The following SLC4A11 variants were observed in gnomAD, a reference collection of about 807,000 sequenced individuals.
The protein encoded by SLC4A11 is solute carrier family 4 member 11.
In SLC4A11, 74 loss-of-function variants were observed where a neutral mutation model predicts 95.0. The observed-to-expected ratio is 0.78, with a 90% CI of 0.65 to 0.95. The LOEUF is 0.95. Ranked by LOEUF, SLC4A11 falls within the 40% of genes least tolerant of loss-of-function variation. The pLI is 0.00. For synonymous variants in SLC4A11, 548 were observed against 519.0 expected (o/e 1.06, Z -0.76); for missense variants, 1,081 against 1,192.4 (o/e 0.91, Z 1.38).
chr20:3,238,230 G>C, intron 1 of SLC4A11: 1 of 1,371,714 alleles, frequency 7.3e-7, no homozygotes, highest in Non-Finnish European at 9.4e-7. Flanking sequence ...GGGACACATG[G>C]GTCGGGGGAG....
chr20:3,239,240 A>C, upstream of SLC4A11: 1 of 1,294,964 alleles, frequency 7.7e-7, no homozygotes, highest in East Asian at 3.3e-5. Flanking sequence ...AGCCGGCGAC[A>C]CACCCCCACG....
At chr20:3,238,236 G>C in intron 1 of SLC4A11, 3 of 1,366,302 alleles carry the variant, frequency 2.2e-6, no homozygotes, top group South Asian at 2.0e-5. Flanking sequence ...CATGGGTCGG[G>C]GGAGGCTGCG....
rs2067768821 is a variant in SLC4A11 at position 3,231,326 on chromosome 20, G to A, written c.948+4C>T. On this transcript the variant is annotated splice_donor_region_variant and intron_variant, in intron 8 of 19. Transcript: ENST00000642402. This position sits in a 1 kb window ranked among gnomAD's most constrained non-coding sequence, Gnocchi z 5.2. Reference sequence around the variant, plus strand: ...GCCGGCCCCCGCCGGCCTCTACCCTGTACCTCTGGGTGTCTGTGGGCAGGG... The same window carrying A: ...GCCGGCCCCCGCCGGCCTCTACCCTATACCTCTGGGTGTCTGTGGGCAGGG... 1 of 1,613,716 alleles carries A rather than the reference G, an allele frequency of 6.2e-7. No homozygotes were observed. Among genetic ancestry groups the A allele is most frequent in the African/African-American group, 1.3e-5 (1 of 74,912 alleles).
chr20:3,239,018 C>G, intron 1 of SLC4A11, 77 bp downstream of exon 1: 1 of 1,440,364 alleles, frequency 6.9e-7, no homozygotes, highest in South Asian at 1.3e-5. Flanking sequence ...TCCGCGTTCT[C>G]CCCGGGGTCC....
At chr20:3,239,515 G>A (rs2068088612), upstream of SLC4A11, 2 of 995,564 alleles carry the variant, frequency 2.0e-6, no homozygotes, top group Non-Finnish European at 1.2e-6. Flanking sequence ...GAAAACGTTC[G>A]ACTGCGCCAC....
In SLC4A11 at chr20:3,234,502, C is replaced by CAGGGA; in HGVS notation, c.291+61_291+65dup. ...AAGAGGGGAGCAGCGGGAGGATTCT[C>CAGGGA]AGGGAAGCCATCACCTCAGCCCCCA... On this transcript the variant is annotated intron_variant, in intron 4 of 19. Coordinates refer to ENST00000642402, the MANE Select transcript of SLC4A11 (RefSeq NM_001174089.2). The surrounding 1 kb of genome is among the most constrained non-coding windows in gnomAD (Gnocchi z 5.8). 1 of 1,604,942 alleles carries CAGGGA rather than the reference C, an allele frequency of 6.2e-7. No homozygotes were observed. The highest frequency in any genetic ancestry group is 8.5e-7 in the Non-Finnish European group (1 of 1,172,952).
At chr20:3,238,354 C>T (rs2068054958) in intron 1 of SLC4A11, 2 of 985,156 alleles carry the variant, frequency 2.0e-6, no homozygotes, top group South Asian at 9.4e-5. Flanking sequence ...CCTCCAGACT[C>T]GGAGACCCCG....
At chr20:3,237,433 G>C in intron 2 of SLC4A11, 111 bp downstream of exon 2, 2 of 1,110,606 alleles carry the variant, frequency 1.8e-6, no homozygotes, top group Non-Finnish European at 2.8e-6. Flanking sequence ...CACTAGAGTG[G>C]CCCAGATAGG....
At chr20:3,233,461 G>T in intron 7 of SLC4A11, 53 bp downstream of exon 7, 1 of 1,609,374 alleles carries the variant, frequency 6.2e-7, no homozygotes, top group African/African-American at 1.3e-5. Context: ...CAAGCAGAGG[G>T]CGGGTAACCC....
In SLC4A11 at chr20:3,228,865, C is replaced by A. The variant is rs150848295; in HGVS notation, c.2165G>T (p.Arg722Leu). 2.5e-6 allele frequency: 4 copies of A among 1,613,910 alleles called. No individual in the cohort carries two copies. Among genetic ancestry groups the A allele is most frequent in the African/African-American group, 2.7e-5 (2 of 75,062 alleles). Residue 722 changes from arginine to leucine, a missense_variant, in exon 17 of 20, where the codon CGT becomes CTT. Arg to Leu is a moderately radical substitution (Grantham distance 102). This residue lies in a region of SLC4A11 where 767 missense variants were observed against 858.0 expected (regional missense o/e 0.89). Coordinates refer to ENST00000642402, the MANE Select transcript of SLC4A11 (RefSeq NM_001174089.2). ...HVRALALVEE[R>L]VENGHIYDTI... is the part of the protein sequence containing the mutation. ...GTCATAGATGTGTCCGTTCTCCACA[C>A]GCTCCTCCACTAAGGCCAGGGCTCG...
intron 12 of SLC4A11, 52 bp from the exon 13 acceptor site, chr20:3,230,312 G>C (rs750554204): frequency 1.0e-4 from 166 of 1,598,668 alleles, no homozygotes; most frequent in Non-Finnish European, 1.3e-4. Flanking sequence ...GGGGGCAGGT[G>C]GGGGAGGCCT....
chr20:3,238,102 G>A (rs756510983), intron 1 of SLC4A11: 110 of 1,460,834 alleles, frequency 7.5e-5, no homozygotes, highest in African/African-American at 7.1e-5. Flanking sequence ...CACGCGCCCC[G>A]GGTCACACGG....
chr20:3,230,527 C>G lies in SLC4A11; in HGVS notation c.1403G>C (p.Ser468Thr). ...AAGGGCCAGTCACCTCTTGAAGAGA[C>G]TCATGACCAGGCTGAGGTTGAAAAA... is the stretch of plus-strand genomic sequence containing the variant. ...YAFFNLSLVM[S>T]LFKRSTEEII... The change falls in exon 12 of 20, where the codon AGT becomes ACT. Residue 468 changes from serine to threonine, a missense_variant. Ser to Thr is a moderately conservative substitution (Grantham distance 58). Coordinates refer to ENST00000642402, the MANE Select transcript of SLC4A11 (RefSeq NM_001174089.2). 1 of 1,613,908 alleles carries G rather than the reference C, an allele frequency of 6.2e-7. No homozygotes were observed. The highest frequency in any genetic ancestry group is 8.5e-7 in the Non-Finnish European group (1 of 1,180,034).
intron 1 of SLC4A11, chr20:3,238,432 G>C: frequency 9.6e-7 from 1 of 1,039,610 alleles, no homozygotes; most frequent in Non-Finnish European, 1.2e-6. Context: ...GAAGTGGGGG[G>C]CGGGGGCGCT....
At chr20:3,237,493 T>C (rs780391611) in intron 2 of SLC4A11, 51 bp downstream of exon 2, 1 of 1,593,626 alleles carries the variant, frequency 6.3e-7, no homozygotes, top group Non-Finnish European at 8.6e-7. Context: ...CCTGGAGGCT[T>C]TTGCCCGACA....
chr20:3,230,238 G>A lies in SLC4A11; in HGVS notation c.1438C>T (p.Leu480Phe). 1.2e-6 allele frequency: 2 copies of A among 1,613,602 alleles called. No homozygotes were observed. The highest frequency in any genetic ancestry group is 1.7e-6 in the Non-Finnish European group (2 of 1,180,024). ...AGCACAAACGTGATGGAAATGAAGA[G>A]GGCGATGATCTCCTCCGTCGACCTG... The part of the protein sequence containing the change: ...FKRSTEEIIA[L>F]FISITFVLDA... Residue 480 changes from leucine (L) to phenylalanine (F), a missense_variant, in exon 13 of 20, where the codon CTC (leucine) becomes TTC (phenylalanine). This residue lies in a region of SLC4A11 where 767 missense variants were observed against 858.0 expected (regional missense o/e 0.89). Coordinates refer to ENST00000642402, the MANE Select transcript of SLC4A11 (RefSeq NM_001174089.2).
rs780629889 is a variant in SLC4A11 at position 3,231,238 on chromosome 20, G to T, written c.953C>A (p.Pro318Gln). 3 of 1,613,922 alleles carry T rather than the reference G, an allele frequency of 1.9e-6. No individual in the cohort carries two copies. Among genetic ancestry groups the T allele is most frequent in the Non-Finnish European group, 2.5e-6 (3 of 1,180,008 alleles). The change falls in exon 9 of 20, where the codon CCA becomes CAA. Residue 318 changes from proline (P) to glutamine (Q), a missense_variant. Around this residue, in one of 3 missense-constraint regions of SLC4A11, gnomAD observed 767 missense variants for 858.0 expected, o/e 0.89. Transcript: ENST00000642402. This position sits in a 1 kb window ranked among gnomAD's most constrained non-coding sequence, Gnocchi z 5.2. Reference sequence around the variant, plus strand: ...AAAAGGGACAAAGTCCTTGCACTTTGGGGGCTGGAGGAGAGGACAGAGCGC... The same window carrying T: ...AAAAGGGACAAAGTCCTTGCACTTTTGGGGCTGGAGGAGAGGACAGAGCGC... ...SLPAHRHPEP[P>Q]KCKDFVPFGK...
At position 3,230,506 on chromosome 20, in the gene SLC4A11, G is replaced by T. The variant is rs1312794954; in HGVS notation, c.1415+9C>A. On this transcript the variant is annotated intron_variant, in intron 12 of 19. Transcript: ENST00000642402. Reference sequence around the variant, plus strand: ...GAGGGTCCCAGCAGCTCACGGAAGGGCCAGTCACCTCTTGAAGAGACTCAT... The same window carrying T: ...GAGGGTCCCAGCAGCTCACGGAAGGTCCAGTCACCTCTTGAAGAGACTCAT... The T allele has an allele frequency of 6.2e-7, 1 of 1,613,718 alleles. No homozygotes were observed. Among genetic ancestry groups the T allele is most frequent in the Non-Finnish European group, 8.5e-7 (1 of 1,180,022 alleles).
intron 2 of SLC4A11, among the ~76,000 whole-genome samples, chr20:3,235,280 G>GTGTCTC (rs1491325155): frequency 4.9e-5 from 5 of 101,226 alleles, no homozygotes; most frequent in African/African-American, 1.8e-4. Context: ...CAGTATCCAC[G>GTGTCTC]TCTCTCTCTC....
Sources: allele counts gnomAD v4.1 joint callset (sites outside exome capture counted in the v4.1 genomes callset), GRCh38; gene constraint gnomAD v4.1.1; regional missense constraint gnomAD v4.1.1; non-coding constraint Gnocchi (gnomAD v3.1); transcripts MANE v1.5; gene names NCBI Gene and HGNC (gene_info 2026-07-23, HGNC 2026-07-21).